Variants in ACE observed in about 807,000 individuals in gnomAD.
ACE encodes the protein angiotensin-converting enzyme.
A neutral mutation model predicts 162.3 loss-of-function variants in ACE; 122 were observed. That is an observed-to-expected ratio of 0.75 (90% CI 0.65 to 0.87). The LOEUF (loss-of-function observed/expected upper bound fraction) is 0.87. Among genes scored for constraint, ACE ranks in the 40% least tolerant of loss-of-function variants. The pLI is 0.00. For missense variants in ACE, 1,799 were observed against 1,735.1 expected (o/e 1.04, Z -0.65); for synonymous variants, 796 against 720.6 (o/e 1.10, Z -1.68).
At chr17:63,482,730 A>AC in intron 8 of ACE, 41 bp downstream of exon 8, 2 of 1,574,064 alleles carry the variant, frequency 1.3e-6, no homozygotes, top group Non-Finnish European at 1.7e-6. Flanking sequence ...CCTCACCTAA[A>AC]CCCCGCTCCA....
At chr17:63,494,579 G>A in intron 22 of ACE, 109 bp downstream of exon 22, 1 of 1,049,788 alleles carries the variant, frequency 9.5e-7, no homozygotes, top group Non-Finnish European at 1.4e-6. Context: ...GGCAGACCCG[G>A]GGGAGCCGGC....
In ACE at chr17:63,484,666, G is replaced by T. The variant is rs2029863746; in HGVS notation, c.1921+125G>T. On this transcript the variant is annotated intron_variant, in intron 12 of 24. Coordinates refer to ENST00000290866, the MANE Select transcript of ACE (RefSeq NM_000789.4). This position sits in a 1 kb window ranked among gnomAD's most constrained non-coding sequence, Gnocchi z 4.0. ...CTGGTACCCTGTCCTGGAGGGCCAG[G>T]CAGCCCCCCAAGCTCATCAGCAGGG... The T allele has an allele frequency of 1.4e-6, 2 of 1,444,200 alleles. No homozygotes were observed. 89.5% of individuals were successfully genotyped at this position (1,444,200 alleles called of 1,614,324 possible).
Position 63,483,567 on chromosome 17 carries a change from G to GCGGGCGCCCCC in ACE, c.1586+10_1586+11insGGGCGCCCCCC. The GCGGGCGCCCCC allele has an allele frequency of 6.3e-7, 1 of 1,589,578 alleles. No individual in the cohort carries two copies. Among genetic ancestry groups the GCGGGCGCCCCC allele is most frequent in the Non-Finnish European group, 8.6e-7 (1 of 1,165,686 alleles). Reference sequence around the variant, plus strand: ...GTGACACCATACATCAGGTATTAGCGCCCCCACCCCACCCACCCCCAGTAC... The same window carrying GCGGGCGCCCCC: ...GTGACACCATACATCAGGTATTAGCGCGGGCGCCCCCCCCCCACCCCACCCACCCCCAGTAC... On this transcript the variant is annotated intron_variant, in intron 10 of 24. Transcript: ENST00000290866.
chr17:63,481,148 A>G lies in ACE; in HGVS notation c.905A>G (p.Asp302Gly). 6.4e-7 allele frequency: 1 copy of G among 1,551,214 alleles called. No homozygotes were observed. Among genetic ancestry groups the G allele is most frequent in the Non-Finnish European group, 8.8e-7 (1 of 1,141,234 alleles). ...TACGACATGGTGGTGCCTTTCCCAG[A>G]CAAGCCCAACCTCGATGTCACCAGT... ...NIYDMVVPFP[D>G]KPNLDVTSTM... Residue 302 changes from aspartate (D) to glycine (G), a missense_variant, in exon 6 of 25, where the codon GAC becomes GGC. Asp to Gly is a moderately conservative substitution (Grantham distance 94). Transcript: ENST00000290866.
Position 63,491,044 on chromosome 17 carries a change from TA to T in ACE, c.2735del (p.Lys912SerfsTer67), listed in dbSNP as rs2030338575. Reference sequence around the variant, plus strand: ...TCGATGGACACCACAGAGGCTATGCTAAAGCAGGTCCGCACCAGCCCAGGGG... The same window carrying T: ...TCGATGGACACCACAGAGGCTATGCTAAGCAGGTCCGCACCAGCCCAGGGG... Reference protein sequence around the residue: ...APSMDTTEAMLKQGWTPRRMF... With the variant: ...APSMDTTEAMXKQGWTPRRMF... On this transcript the variant is annotated frameshift_variant, in exon 18 of 25. Transcript: ENST00000290866. LOFTEE classifies it high-confidence loss of function. The surrounding 1 kb of genome is among the most constrained non-coding windows in gnomAD (Gnocchi z 4.4). 1 of 1,614,022 alleles carries T rather than the reference TA, an allele frequency of 6.2e-7. No homozygotes were observed. The highest frequency in any genetic ancestry group is 1.7e-5 in the Admixed American group (1 of 60,008).
intron 17 of ACE, 56 bp from the exon 18 acceptor site, chr17:63,490,898 G>T: frequency 6.5e-7 from 1 of 1,547,488 alleles, no homozygotes; most frequent in South Asian, 1.1e-5. Context: ...GGAGGGCATT[G>T]AGCCTAAGTA....
chr17:63,497,045 C>G, intron 24 of ACE, 60 bp downstream of exon 24: 3 of 1,589,710 alleles, frequency 1.9e-6, no homozygotes, highest in Non-Finnish European at 2.6e-6. Context: ...GGCTGGGCAG[C>G]CATGCGGCTG....
chr17:63,496,643 G>T, intron 23 of ACE, 127 bp downstream of exon 23: 4 of 1,588,688 alleles, frequency 2.5e-6, no homozygotes, highest in East Asian at 2.2e-5. Context: ...CACCTGCAGC[G>T]TGGGCCAGGC....
At position 63,485,266 on chromosome 17, in the gene ACE, A is replaced by G; in HGVS notation, c.1952A>G (p.Lys651Arg). ...DLVTDEAEAS[K>R]FVEEYDRTSQ... is the part of the protein sequence containing the mutation. ...GTGACTGATGAGGCTGAGGCCAGCA[A>G]GTTTGTGGAGGAATATGACCGGACA... Residue 651 changes from lysine to arginine, a missense_variant, in exon 13 of 25, where the codon AAG (lysine) becomes AGG (arginine). Physicochemically the swap from Lys to Arg is conservative, Grantham distance 26 (BLOSUM62 2). Coordinates refer to ENST00000290866, the MANE Select transcript of ACE (RefSeq NM_000789.4). 1 of 1,614,074 alleles carries G rather than the reference A, an allele frequency of 6.2e-7. No individual in the cohort carries two copies. The highest frequency in any genetic ancestry group is 2.2e-5 in the East Asian group (1 of 44,872).
chr17:63,478,962 C>A, intron 2 of ACE, 45 bp from the exon 3 acceptor site: 1 of 1,538,698 alleles, frequency 6.5e-7, no homozygotes, highest in Non-Finnish European at 8.9e-7. Context: ...GGGCAGATGT[C>A]CCAGGGGCTG....
chr17:63,482,325 T>C (rs1226507600), intron 7 of ACE, 141 bp from the exon 8 acceptor site: 7 of 720,798 alleles, frequency 9.7e-6, no homozygotes, highest in East Asian at 5.4e-5. Flanking sequence ...AAAAAAGAAG[T>C]TACTTGTTTC....
At chr17:63,483,410 A>G (rs1176163569) in intron 9 of ACE, 50 bp from the exon 10 acceptor site, 3 of 1,547,792 alleles carry the variant, frequency 1.9e-6, no homozygotes, top group East Asian at 2.2e-5. Context: ...AGTTAAATCC[A>G]TCTGTTTGCA....
rs771821963 is a variant in ACE at position 63,489,050 on chromosome 17, T to C, written c.2559T>C (p.His853=). The C allele has an allele frequency of 2.5e-6, 4 of 1,614,118 alleles. No individual in the cohort carries two copies. The Admixed American group carries it at 5.0e-5, about 20-fold the overall frequency. ...QELQPLYLNL[H]AYVRRALHRH... ...TGCAGCCACTCTACCTCAACCTGCA[T>C]GCCTACGTGCGCCGGGCCCTGCACC... is the stretch of plus-strand genomic sequence containing the variant. Residue 853 remains histidine (H), a synonymous_variant, in exon 17 of 25, where the codon CAT becomes CAC. Transcript: ENST00000290866.
intron 22 of ACE, 89 bp downstream of exon 22, chr17:63,494,559 T>G: frequency 1.6e-6 from 2 of 1,251,064 alleles, no homozygotes; most frequent in Non-Finnish European, 2.3e-6. Flanking sequence ...CCACAAGCTC[T>G]GTCAGTCAGG....
Position 63,493,907 on chromosome 17 carries a change from T to TC in ACE, c.3137-12dup, listed in dbSNP as rs776543043. 1 of 1,614,072 alleles carries TC rather than the reference T, an allele frequency of 6.2e-7. No individual in the cohort carries two copies. Among genetic ancestry groups the TC allele is most frequent in the Admixed American group, 1.7e-5 (1 of 59,996 alleles). On this transcript the variant is annotated splice_polypyrimidine_tract_variant and intron_variant, in intron 20 of 24. Transcript: ENST00000290866. ...AGGACCCTGGGTCTGACAGCTGGGC[T>TC]CCCTTCCCTTGCAGAGCATGACATC...
intron 16 of ACE, 46 bp from the exon 17 acceptor site, chr17:63,488,895 G>T (rs770560240): frequency 8.1e-6 from 13 of 1,613,608 alleles, no homozygotes; most frequent in Non-Finnish European, 8.5e-6. Flanking sequence ...CCTGGAGGAG[G>T]CAGGTAATGT....
intron 19 of ACE, among the ~76,000 whole-genome samples, chr17:63,492,373 A>G (rs865818746): frequency 2.6e-5 from 4 of 151,266 alleles, no homozygotes; most frequent in Middle Eastern, 6.8e-3. Flanking sequence ...GAGAAGTGGC[A>G]AAGACCATCT....
intron 13 of ACE, chr17:63,486,311 G>C (rs2029930489): frequency 1.7e-6 from 1 of 573,938 alleles, no homozygotes; most frequent in South Asian, 2.0e-5. Flanking sequence ...GACACTTGGG[G>C]GTCTTCTCTT....
chr17:63,477,138 CGCTGCCGCTGCTGTTGCT>C lies in ACE; in HGVS notation c.53_70del (p.Leu18_Pro23del). The stretch of plus-strand genomic sequence containing the variant: ...CGCCGGGGGCCGGGGCTGCTGCTGC[CGCTGCCGCTGCTGTTGCT>C]GCTGCCGCCGCAGCCCGCCCTGGCG... On this transcript the variant is annotated inframe_deletion, in exon 1 of 25. Transcript: ENST00000290866. The C allele has an allele frequency of 7.0e-7, 1 of 1,430,776 alleles. No individual in the cohort carries two copies. The highest frequency in any genetic ancestry group is 1.5e-5 in the African/African-American group (1 of 67,222). The allele number at this position is 1,430,776 out of a possible 1,614,324, so 88.6% of individuals were successfully genotyped here. A position where few individuals can be genotyped will look rare whatever the true frequency, so the allele number is the denominator to read the frequency against.
Sources: allele counts gnomAD v4.1 joint callset (sites outside exome capture counted in the v4.1 genomes callset), GRCh38; gene constraint gnomAD v4.1.1; non-coding constraint Gnocchi (gnomAD v3.1); transcripts MANE v1.5; gene names NCBI Gene and HGNC (gene_info 2026-07-23, HGNC 2026-07-21).